Variants in ZBTB7C observed in about 807,000 individuals in gnomAD.
The protein encoded by ZBTB7C is zinc finger and BTB domain containing 7C.
A neutral mutation model predicts 25.7 loss-of-function variants in ZBTB7C; 8 were observed. The observed-to-expected ratio is 0.31, with a 90% CI of 0.18 to 0.56. ZBTB7C has a LOEUF of 0.56. ZBTB7C is among the 20% of genes least tolerant of loss of function. The probability of loss-of-function intolerance (pLI) is 0.91; values close to 1 mark genes in which losing one functional copy is unlikely to be tolerated. For synonymous variants in ZBTB7C, 394 were observed against 369.0 expected, an observed-to-expected ratio of 1.07 and a Z score of -0.78; for missense variants, 824 against 855.2, an observed-to-expected ratio of 0.96 and a Z score of 0.46.
chr18:48,251,223 C>T (rs747786247), intron 2 of ZBTB7C, among the ~76,000 whole-genome samples: 1 of 151,616 alleles, frequency 6.6e-6, no homozygotes, highest in Non-Finnish European at 1.5e-5. Flanking sequence ...GAACCTGTCT[C>T]CCCCCAGAAA....
chr18:48,273,464 T>A (rs2044550353), intron 2 of ZBTB7C, among the ~76,000 whole-genome samples: 3 of 151,972 alleles, frequency 2.0e-5, no homozygotes, highest in Admixed American at 2.0e-4. Context: ...GACTAATAAA[T>A]GTATACAAAA....
At chr18:48,281,572 G>A (rs1042100234) in intron 2 of ZBTB7C, among the ~76,000 whole-genome samples, 1 of 152,092 alleles carries the variant, frequency 6.6e-6, no homozygotes, top group South Asian at 2.1e-4. Context: ...CTGACAAAGG[G>A]CTAATATCCA....
chr18:48,396,405 A>C (rs922875013), intron 1 of ZBTB7C, among the ~76,000 whole-genome samples: 4 of 152,232 alleles, frequency 2.6e-5, no homozygotes, highest in Admixed American at 6.5e-5. Flanking sequence ...AGCCAAGACA[A>C]GAAGCCTGAC....
chr18:48,254,928 CT>C (rs1287658984), intron 2 of ZBTB7C, among the ~76,000 whole-genome samples: 2 of 152,176 alleles, frequency 1.3e-5, no homozygotes, highest in Non-Finnish European at 2.9e-5. Context: ...AATAATGCTG[CT>C]CCCACTGGCC....
chr18:48,189,966 C>T (rs1183106540), intron 2 of ZBTB7C, among the ~76,000 whole-genome samples: 2 of 152,290 alleles, frequency 1.3e-5, no homozygotes, highest in South Asian at 2.1e-4. Context: ...GAAATGGAAG[C>T]AACATTCAGG....
intron 2 of ZBTB7C, among the ~76,000 whole-genome samples, chr18:48,210,531 A>C (rs918634249): frequency 6.6e-6 from 1 of 152,250 alleles, no homozygotes; most frequent in African/African-American, 2.4e-5. Flanking sequence ...AACCTTGAAA[A>C]TATCATGCAA....
At chr18:48,044,962 A>AGCCT (rs1326761736) in intron 3 of ZBTB7C, among the ~76,000 whole-genome samples, 3 of 152,248 alleles carry the variant, frequency 2.0e-5, no homozygotes. Flanking sequence ...CAGAGACCTG[A>AGCCT]GCCTGCATCT....
chr18:48,234,967 G>T (rs78482800), intron 2 of ZBTB7C, among the ~76,000 whole-genome samples: 1 of 152,080 alleles, frequency 6.6e-6, no homozygotes. Context: ...TCTTGCTTAA[G>T]AAATTTATTT....
chr18:48,326,437 A>C (rs1456992626), intron 2 of ZBTB7C, among the ~76,000 whole-genome samples: 1 of 151,760 alleles, frequency 6.6e-6, no homozygotes, highest in Non-Finnish European at 1.5e-5. Flanking sequence ...TCTGTAATTA[A>C]ACACACACAC....
At chr18:48,367,635 A>G (rs2047276562) in intron 1 of ZBTB7C, among the ~76,000 whole-genome samples, 1 of 152,012 alleles carries the variant, frequency 6.6e-6, no homozygotes, top group African/African-American at 2.4e-5. Flanking sequence ...TAACTGCTCT[A>G]TTCAGCCAAA....
intron 3 of ZBTB7C, among the ~76,000 whole-genome samples, chr18:48,166,124 C>T (rs145012206): frequency 1.2e-3 from 177 of 152,112 alleles, no homozygotes; most frequent in African/African-American, 4.1e-3. Flanking sequence ...CATTTTAAGG[C>T]GAAATTCCGT....
At chr18:48,386,340 C>T (rs1358180367) in intron 1 of ZBTB7C, among the ~76,000 whole-genome samples, 1 of 152,232 alleles carries the variant, frequency 6.6e-6, no homozygotes, top group Non-Finnish European at 1.5e-5. Flanking sequence ...TGAGCGTCCA[C>T]AGGGGAAGAA....
chr18:48,261,405 A>G (rs1420553648), intron 2 of ZBTB7C, among the ~76,000 whole-genome samples: 1 of 152,206 alleles, frequency 6.6e-6, no homozygotes, highest in African/African-American at 2.4e-5. Context: ...TTCCAAGTTA[A>G]GAGACTGAAC....
At chr18:48,404,081 C>T (rs34900701) in intron 1 of ZBTB7C, among the ~76,000 whole-genome samples, 10,995 of 152,166 alleles carry the variant, frequency 0.072, 510 homozygotes, top group South Asian at 0.1. Flanking sequence ...GGTAAAACCC[C>T]GTCTCTACTA....
At chr18:48,163,893 A>C (rs961057354) in intron 3 of ZBTB7C, among the ~76,000 whole-genome samples, 3 of 152,182 alleles carry the variant, frequency 2.0e-5, no homozygotes, top group Non-Finnish European at 4.4e-5. Flanking sequence ...AGCTGCCATA[A>C]GCACTGTCTG....
chr18:48,040,224 T>G lies in ZBTB7C; in HGVS notation c.884A>C (p.Glu295Ala), dbSNP rs201539419. Reference sequence around the variant, plus strand: ...TGGCGGTGGGGGTGGGGGCAGCTCCTCCTTCTCCTCCTCCTTGATCTTCCG... The same window carrying G: ...TGGCGGTGGGGGTGGGGGCAGCTCCGCCTTCTCCTCCTCCTTGATCTTCCG... ...KNRKIKEEEKEELPPPPPPPF... is the reference protein window; with the variant it reads ...KNRKIKEEEKAELPPPPPPPF... The change falls in exon 4 of 5, where the codon GAG (glutamate) becomes GCG (alanine). Residue 295 changes from glutamate to alanine, a missense_variant. Around this residue, in one of 4 missense-constraint regions of ZBTB7C, gnomAD observed 316 missense variants for 299.2 expected, o/e 1.06. Transcript: ENST00000590800. 3.2e-6 allele frequency: 5 copies of G among 1,569,742 alleles called. No homozygotes were observed. Among genetic ancestry groups the G allele is most frequent in the Non-Finnish European group, 4.3e-6 (5 of 1,159,984 alleles).
intron 2 of ZBTB7C, among the ~76,000 whole-genome samples, chr18:48,328,299 G>A (rs2046270583): frequency 6.6e-6 from 1 of 151,964 alleles, no homozygotes; most frequent in African/African-American, 2.4e-5. Context: ...TAACAGTAGA[G>A]ATATAGACAG....
At chr18:48,287,155 A>C (rs550108074) in intron 2 of ZBTB7C, among the ~76,000 whole-genome samples, 1 of 143,550 alleles carries the variant, frequency 7.0e-6, no homozygotes, top group Admixed American at 7.4e-5. Flanking sequence ...AAAGAGAAAC[A>C]AGTTATATTT....
At chr18:48,324,739 G>A (rs1293971770) in intron 2 of ZBTB7C, among the ~76,000 whole-genome samples, 1 of 152,204 alleles carries the variant, frequency 6.6e-6, no homozygotes, top group Non-Finnish European at 1.5e-5. Flanking sequence ...GCTCAGATAA[G>A]CATGCTTAGC....
Sources: gnomAD v4.1 joint callset for allele counts (sites outside exome capture counted in the v4.1 genomes callset) on GRCh38, gnomAD v4.1.1 for gene constraint, gnomAD v4.1.1 regional missense constraint, MANE v1.5 for transcripts, NCBI Gene and HGNC (gene_info 2026-07-23, HGNC 2026-07-21) for gene names.